EPHA6: variants seen among roughly 807,000 people sequenced by gnomAD.
The protein encoded by EPHA6 is EPH receptor A6.
A neutral mutation model predicts 112.0 loss-of-function variants in EPHA6; 50 were observed. The ratio of observed to expected loss-of-function variants is 0.45; its 90% CI spans 0.36 to 0.56. The LOEUF (loss-of-function observed/expected upper bound fraction) is 0.56, where lower values mean the gene tolerates loss of function less well. EPHA6 is among the 20% of genes least tolerant of loss of function. The pLI, the probability that EPHA6 is intolerant of heterozygous loss-of-function variation, is 0.00. For missense variants in EPHA6, 1,280 were observed against 1,417.4 expected, an observed-to-expected ratio of 0.90 and a Z score of 1.56; for synonymous variants, 529 against 490.7, an observed-to-expected ratio of 1.08 and a Z score of -1.03.
intron 5 of EPHA6, among the ~76,000 whole-genome samples, chr3:97,288,245 C>G (rs984621870): frequency 5.9e-5 from 9 of 152,118 alleles, no homozygotes; most frequent in Admixed American, 1.3e-4. Flanking sequence ...TCCTTCCTCA[C>G]CCTCTGTAGT....
intron 1 of EPHA6, among the ~76,000 whole-genome samples, chr3:96,839,038 T>C (rs540085155): frequency 6.6e-6 from 1 of 152,290 alleles, no homozygotes; most frequent in East Asian, 1.9e-4. Flanking sequence ...CTTTATGGCT[T>C]CCATTTTAAA....
rs368330155 is a variant in EPHA6, at chr3:97,721,141, A to T, written c.2934+731A>T. ...ACTCACCTGTTCTTCTCAAACTATAAGATGGTTTCTGATACAATGGTAATA... is the reference window on the plus strand; with the variant it reads ...ACTCACCTGTTCTTCTCAAACTATATGATGGTTTCTGATACAATGGTAATA... On this transcript the variant is annotated intron_variant, in intron 15 of 17. Transcript: ENST00000389672. 9.2e-5 allele frequency among the ~76,000 whole-genome samples: 14 copies of T among 152,302 alleles called. No individual in the cohort carries two copies. The South Asian group carries it at 2.7e-3, about 29-fold the overall frequency.
intron 3 of EPHA6, among the ~76,000 whole-genome samples, chr3:97,224,945 GT>G (rs1036684583): frequency 2.6e-5 from 4 of 151,140 alleles, no homozygotes; most frequent in African/African-American, 9.7e-5. Flanking sequence ...GCTTTTTTGG[GT>G]TTTTTTGTTT....
At chr3:96,993,050 G>A (rs543091255) in intron 3 of EPHA6, among the ~76,000 whole-genome samples, 79 of 152,228 alleles carry the variant, frequency 5.2e-4, no homozygotes, top group Middle Eastern at 3.4e-3. Context: ...TGCTCCTGTG[G>A]AATGCTCTGT....
intron 11 of EPHA6, among the ~76,000 whole-genome samples, chr3:97,589,866 C>A (rs2093527036): frequency 6.6e-6 from 1 of 152,182 alleles, no homozygotes. Context: ...TTTTAGATTT[C>A]ATTTACTTTT....
intron 3 of EPHA6, among the ~76,000 whole-genome samples, chr3:97,209,104 G>A (rs1190596526): frequency 6.6e-6 from 1 of 152,084 alleles, no homozygotes; most frequent in Non-Finnish European, 1.5e-5. Flanking sequence ...TGCTTTGTCT[G>A]CAGTATTGTT....
chr3:97,463,149 T>C (rs2009780), intron 7 of EPHA6, among the ~76,000 whole-genome samples: 1 of 152,232 alleles, frequency 6.6e-6, no homozygotes, highest in South Asian at 2.1e-4. Context: ...TGTGCACAAC[T>C]TGCAGGTTCG....
At chr3:97,127,829 A>G (rs1276205950) in intron 3 of EPHA6, among the ~76,000 whole-genome samples, 3 of 151,652 alleles carry the variant, frequency 2.0e-5, no homozygotes, top group Non-Finnish European at 2.9e-5. Context: ...GGACCATTCT[A>G]TGGTGATCTG....
chr3:97,391,480 G>A (rs1454176492), intron 5 of EPHA6, among the ~76,000 whole-genome samples: 1 of 151,892 alleles, frequency 6.6e-6, no homozygotes, highest in Non-Finnish European at 1.5e-5. Flanking sequence ...TTTCCAGGCT[G>A]ATCCTATTTC....
chr3:97,570,410 TGG>T (rs893627522), intron 11 of EPHA6, among the ~76,000 whole-genome samples: 10 of 152,052 alleles, frequency 6.6e-5, no homozygotes, highest in African/African-American at 2.2e-4. Context: ...TAGGTTTATA[TGG>T]GGGAGGAATC....
chr3:96,876,065 CA>C (rs2036925944), intron 2 of EPHA6, among the ~76,000 whole-genome samples: 1 of 150,180 alleles, frequency 6.7e-6, no homozygotes, highest in Non-Finnish European at 1.5e-5. Flanking sequence ...TATCTAAATC[CA>C]GAGCAAGCAC....
chr3:97,446,997 A>C (rs1339044928), intron 6 of EPHA6, among the ~76,000 whole-genome samples: 1 of 152,126 alleles, frequency 6.6e-6, no homozygotes, highest in Non-Finnish European at 1.5e-5. Flanking sequence ...TTTTATTTAA[A>C]ATGTTGCTGT....
At chr3:97,650,223 G>T (rs1253014115) in intron 14 of EPHA6, among the ~76,000 whole-genome samples, 2 of 152,012 alleles carry the variant, frequency 1.3e-5, no homozygotes, top group Non-Finnish European at 2.9e-5. Context: ...CATCAGCTTG[G>T]ATCATAGGCA....
intron 3 of EPHA6, among the ~76,000 whole-genome samples, chr3:97,152,092 A>T (rs2076184314): frequency 6.6e-6 from 1 of 151,910 alleles, no homozygotes; most frequent in South Asian, 2.1e-4. Flanking sequence ...GACATAAGTA[A>T]CCTTTAAAAT....
At chr3:97,633,328 T>C (rs910115863) in intron 13 of EPHA6, among the ~76,000 whole-genome samples, 2 of 152,176 alleles carry the variant, frequency 1.3e-5, no homozygotes, top group African/African-American at 4.8e-5. Context: ...TTCCAGCTAC[T>C]AATCTCTGAG....
At chr3:97,582,434 T>C (rs927485971) in intron 11 of EPHA6, among the ~76,000 whole-genome samples, 1 of 152,140 alleles carries the variant, frequency 6.6e-6, no homozygotes, top group Non-Finnish European at 1.5e-5. Context: ...CGGGGAGGCA[T>C]CCACTGAAGT....
intron 2 of EPHA6, among the ~76,000 whole-genome samples, chr3:96,940,357 C>T (rs1559608289): frequency 2.0e-5 from 3 of 152,092 alleles, no homozygotes; most frequent in African/African-American, 7.2e-5. Context: ...ATGTAATGGC[C>T]TTATTTGTCT....
At chr3:97,481,906 G>A (rs1200258170) in intron 9 of EPHA6, among the ~76,000 whole-genome samples, 1 of 152,190 alleles carries the variant, frequency 6.6e-6, no homozygotes, top group Non-Finnish European at 1.5e-5. Context: ...AGAGGGAAAA[G>A]GTGCTCCTGA....
At chr3:97,139,750 T>C (rs761378422) in intron 3 of EPHA6, among the ~76,000 whole-genome samples, 7 of 152,130 alleles carry the variant, frequency 4.6e-5, no homozygotes, top group Middle Eastern at 3.4e-3. Context: ...AAGAAAACAA[T>C]ATAAGAACTC....
Sources: allele counts gnomAD v4.1 joint callset (sites outside exome capture counted in the v4.1 genomes callset), GRCh38; gene constraint gnomAD v4.1.1; transcripts MANE v1.5; gene names NCBI Gene and HGNC (gene_info 2026-07-23, HGNC 2026-07-21).